The following BBX variants were observed in gnomAD, a reference collection of about 807,000 sequenced individuals.
BBX encodes the protein BBX high mobility group box domain containing.
A neutral mutation model predicts 100.2 loss-of-function variants in BBX; 30 were observed. The ratio of observed to expected loss-of-function variants is 0.30; its 90% confidence interval spans 0.22 to 0.41. The LOEUF is 0.41. Among genes scored for constraint, BBX ranks in the 10% least tolerant of loss-of-function variants. The pLI is 1.00. For missense variants in BBX, 1,023 were observed against 1,129.8 expected (o/e 0.91, Z 1.35); for synonymous variants, 376 against 388.1 (o/e 0.97, Z 0.37).
chr3:107,603,322 A>T (rs906890849), intron 2 of BBX, among the ~76,000 whole-genome samples: 1 of 152,088 alleles, frequency 6.6e-6, no homozygotes, highest in Admixed American at 6.6e-5. Flanking sequence ...CCTGGTACAG[A>T]TCCATCTTTT....
intron 5 of BBX, among the ~76,000 whole-genome samples, chr3:107,723,357 T>C (rs2062675681): frequency 6.6e-6 from 1 of 152,104 alleles, no homozygotes; most frequent in Non-Finnish European, 1.5e-5. Context: ...AATTTGCATT[T>C]TTTTGTAAAT....
Position 107,807,767 on chromosome 3 carries a change from C to T in BBX, c.*2310C>T, listed in dbSNP as rs1263266067. ...TTTTTTCTATGTGATTAATATCTTACTTGATCTGCTTTTCCTAAACCTCAG... is the reference window on the plus strand; with the variant it reads ...TTTTTTCTATGTGATTAATATCTTATTTGATCTGCTTTTCCTAAACCTCAG... On this transcript the variant is annotated 3_prime_UTR_variant, in exon 18 of 18. Transcript: ENST00000325805. 1 of 151,250 alleles carries T rather than the reference C, an allele frequency of 6.6e-6. No homozygotes were observed. Among genetic ancestry groups the T allele is most frequent in the Non-Finnish European group, 1.5e-5 (1 of 67,872 alleles). The allele number at this position is 151,250 out of a possible 1,614,324, so 9.4% of individuals were successfully genotyped here. A position where few individuals can be genotyped will look rare whatever the true frequency, so the allele number is the denominator to read the frequency against.
At chr3:107,666,482 A>G (rs1172653931) in intron 3 of BBX, among the ~76,000 whole-genome samples, 2 of 151,894 alleles carry the variant, frequency 1.3e-5, no homozygotes. Context: ...AAACTTCTTT[A>G]GTGAAGGATT....
chr3:107,715,032 C>A (rs772823105), intron 4 of BBX, among the ~76,000 whole-genome samples: 3 of 152,192 alleles, frequency 2.0e-5, no homozygotes, highest in Non-Finnish European at 4.4e-5. Context: ...GATCCTCCCA[C>A]CTTGGCCTCC....
intron 13 of BBX, among the ~76,000 whole-genome samples, chr3:107,778,994 CATATAT>C (rs1286419462): frequency 4.4e-5 from 3 of 68,328 alleles, no homozygotes; most frequent in Admixed American, 3.4e-4. Context: ...CCTCCAGCAA[CATATAT>C]ATATATATAT....
chr3:107,720,585 A>G (rs2062459170), intron 5 of BBX, among the ~76,000 whole-genome samples: 1 of 152,028 alleles, frequency 6.6e-6, no homozygotes. Flanking sequence ...TAAGGCAAAA[A>G]CCACGAGAGA....
chr3:107,615,863 C>T (rs2055215051), intron 2 of BBX, among the ~76,000 whole-genome samples: 1 of 152,042 alleles, frequency 6.6e-6, no homozygotes, highest in Non-Finnish European at 1.5e-5. Flanking sequence ...TAACTGAAGC[C>T]TTTCAGAATG....
At chr3:107,557,984 C>G (rs1314271630) in intron 2 of BBX, among the ~76,000 whole-genome samples, 1 of 152,210 alleles carries the variant, frequency 6.6e-6, no homozygotes, top group Middle Eastern at 3.2e-3. Flanking sequence ...CCCAGGTCTC[C>G]AGAATCCTGA....
At chr3:107,559,587 G>A (rs1403973013) in intron 2 of BBX, among the ~76,000 whole-genome samples, 1 of 152,178 alleles carries the variant, frequency 6.6e-6, no homozygotes, top group Non-Finnish European at 1.5e-5. Context: ...AAGATGTCAA[G>A]CAAGTACTGG....
chr3:107,759,470 G>A (rs2065731490), intron 10 of BBX, among the ~76,000 whole-genome samples: 1 of 152,172 alleles, frequency 6.6e-6, no homozygotes, highest in African/African-American at 2.4e-5. Context: ...ATAAAGAACA[G>A]CAAAGCATCC....
intron 5 of BBX, among the ~76,000 whole-genome samples, chr3:107,724,438 T>C (rs889207302): frequency 2.8e-4 from 43 of 152,072 alleles, no homozygotes; most frequent in Non-Finnish European, 5.0e-4. Context: ...AATTTTGTCT[T>C]TTGTTGCCAT....
chr3:107,631,836 T>G (rs548082242), intron 2 of BBX, among the ~76,000 whole-genome samples: 1 of 152,228 alleles, frequency 6.6e-6, no homozygotes, highest in African/African-American at 2.4e-5. Context: ...CCATAAGAAA[T>G]GTAAATAGTA....
At chr3:107,541,661 T>TC (rs201732492) in intron 2 of BBX, among the ~76,000 whole-genome samples, 103 of 149,902 alleles carry the variant, frequency 6.9e-4, no homozygotes, top group East Asian at 3.3e-3. Flanking sequence ...ATTATGTTAA[T>TC]CCCCCCCCCA....
intron 7 of BBX, among the ~76,000 whole-genome samples, chr3:107,741,333 T>C (rs2064090421): frequency 6.6e-6 from 1 of 152,180 alleles, no homozygotes; most frequent in South Asian, 2.1e-4. Context: ...TGAAAAAAAC[T>C]GCATTATTGT....
chr3:107,624,609 C>T (rs548528112), intron 2 of BBX, among the ~76,000 whole-genome samples: 3 of 152,324 alleles, frequency 2.0e-5, no homozygotes, highest in Admixed American at 6.5e-5. Context: ...TGGCTTATGC[C>T]TGTAATCCCA....
Position 107,748,038 on chromosome 3 carries a change from A to G in BBX, c.824A>G (p.Glu275Gly). The change falls in exon 9 of 18, where the codon GAG (glutamate) becomes GGG (glycine). Residue 275 changes from glutamate (E) to glycine (G), a missense_variant and splice_region_variant. Transcript: ENST00000325805. Reference sequence around the variant, plus strand: ...ACATCTGCCTTGTTTCAGTTTGCAGAGGTATGGCCTTTTTAAAATGCTTTT... The same window carrying G: ...ACATCTGCCTTGTTTCAGTTTGCAGGGGTATGGCCTTTTTAAAATGCTTTT... Reference protein sequence around the residue: ...CQTSALFQFAEISSNTSQLGG... With the variant: ...CQTSALFQFAGISSNTSQLGG... 3 of 1,611,914 alleles carry G rather than the reference A, an allele frequency of 1.9e-6. No homozygotes were observed. The South Asian group carries it at 3.3e-5, about 18-fold the overall frequency.
chr3:107,712,422 C>T (rs2061784299), intron 4 of BBX, among the ~76,000 whole-genome samples: 1 of 152,146 alleles, frequency 6.6e-6, no homozygotes, highest in Non-Finnish European at 1.5e-5. Flanking sequence ...TTCTCCCAAC[C>T]TTCTCCTGCA....
chr3:107,742,969 G>A (rs914528920), intron 7 of BBX, among the ~76,000 whole-genome samples: 2 of 152,074 alleles, frequency 1.3e-5, no homozygotes, highest in Non-Finnish European at 2.9e-5. Flanking sequence ...CTAAGCCATA[G>A]GGTAATTTAC....
chr3:107,537,620 T>G (rs2107341809), intron 2 of BBX, among the ~76,000 whole-genome samples: 1 of 152,318 alleles, frequency 6.6e-6, no homozygotes, highest in Non-Finnish European at 1.5e-5. Flanking sequence ...TCTCTTGTGG[T>G]TTAGTAAGCC....
Sources: gnomAD v4.1 joint callset for allele counts (sites outside exome capture counted in the v4.1 genomes callset) on GRCh38, gnomAD v4.1.1 for gene constraint, MANE v1.5 for transcripts, NCBI Gene and HGNC (gene_info 2026-07-23, HGNC 2026-07-21) for gene names.